The following REEP3 variants were observed in gnomAD, a reference collection of about 807,000 sequenced individuals.
REEP3 encodes the protein receptor accessory protein 3.
In REEP3, 20 loss-of-function variants were observed where a neutral mutation model predicts 41.3. The observed-to-expected ratio is 0.48, with a 90% CI of 0.34 to 0.70. The LOEUF (loss-of-function observed/expected upper bound fraction) is 0.70. Among genes scored for constraint, REEP3 ranks in the 30% least tolerant of loss-of-function variants. REEP3 has a pLI of 0.01. For synonymous variants in REEP3, 104 were observed against 101.8 expected, an observed-to-expected ratio of 1.02 and a Z score of -0.13; for missense variants, 271 against 308.8, an observed-to-expected ratio of 0.88 and a Z score of 0.92.
chr10:63,535,118 C>A (rs1955462270), intron 1 of REEP3, among the ~76,000 whole-genome samples: 1 of 151,868 alleles, frequency 6.6e-6, no homozygotes, highest in Non-Finnish European at 1.5e-5. Flanking sequence ...GAAATATAAT[C>A]TATTGTTTCA....
rs1460203733 is a variant in REEP3, at chr10:63,624,170, TTTC to T, written c.*3307_*3309del. ...TATATTTAAAAGCAATTTTCTGTGTTTTCTTCTTTGTAAGTTGACTCATTTGTG... is the reference window on the plus strand; with the variant it reads ...TATATTTAAAAGCAATTTTCTGTGTTTTCTTTGTAAGTTGACTCATTTGTG... On this transcript the variant is annotated 3_prime_UTR_variant, in exon 8 of 8. Transcript: ENST00000373758. 2.0e-5 allele frequency: 3 copies of T among 152,150 alleles called. No individual in the cohort carries two copies. Among genetic ancestry groups the T allele is most frequent in the Admixed American group, 6.6e-5 (1 of 15,266 alleles). 9.4% of individuals were successfully genotyped at this position (152,150 alleles called of 1,614,324 possible). A position where few individuals can be genotyped will look rare whatever the true frequency, so the allele number is the denominator to read the frequency against.
chr10:63,551,382 G>A (rs538133895), intron 1 of REEP3, among the ~76,000 whole-genome samples: 4 of 152,046 alleles, frequency 2.6e-5, no homozygotes, highest in African/African-American at 9.7e-5. Flanking sequence ...AGGAGAATAG[G>A]TAAATCTCTC....
rs1163642273 is a variant in REEP3 at position 63,598,020 on chromosome 10, T to C, written c.183-4T>C. ...AGTTTATTTCCAAATGTTTTTCTTA[T>C]TAGGTTTCCCCTGTACTATGAGCTG... On this transcript the variant is annotated splice_polypyrimidine_tract_variant and splice_region_variant and intron_variant, in intron 3 of 7. Coordinates refer to ENST00000373758, the MANE Select transcript of REEP3 (RefSeq NM_001001330.3). 2.5e-6 allele frequency: 4 copies of C among 1,597,276 alleles called. No individual in the cohort carries two copies. Among genetic ancestry groups the C allele is most frequent in the East Asian group, 2.2e-5 (1 of 44,754 alleles).
intron 1 of REEP3, among the ~76,000 whole-genome samples, chr10:63,549,549 G>A (rs1048171740): frequency 7.9e-5 from 12 of 152,182 alleles, no homozygotes; most frequent in Admixed American, 2.0e-4. Context: ...TTTGGGTGAC[G>A]TTGTCGAAGG....
intron 2 of REEP3, among the ~76,000 whole-genome samples, chr10:63,584,352 G>A (rs531319154): frequency 6.7e-6 from 1 of 149,278 alleles, no homozygotes. Context: ...GGCATGGGGG[G>A]AGAAGTACCC....
intron 5 of REEP3, among the ~76,000 whole-genome samples, chr10:63,601,283 A>G (rs1403686732): frequency 6.6e-6 from 1 of 152,184 alleles, no homozygotes; most frequent in Non-Finnish European, 1.5e-5. Context: ...CTCAAGAACT[A>G]TTAACAGTCA....
chr10:63,521,764 C>A, intron 1 of REEP3, 187 bp downstream of exon 1: 1 of 356,054 alleles, frequency 2.8e-6, no homozygotes, highest in South Asian at 1.3e-4. Flanking sequence ...GCGGAGCTCC[C>A]TGCGACGGCC....
At chr10:63,606,874 C>G (rs1956233451) in intron 5 of REEP3, among the ~76,000 whole-genome samples, 1 of 152,076 alleles carries the variant, frequency 6.6e-6, no homozygotes, top group Non-Finnish European at 1.5e-5. Context: ...AAACATTGTA[C>G]TGTTGTTAGT....
At chr10:63,619,587 T>G in intron 6 of REEP3, 68 bp from the exon 7 acceptor site, 2 of 1,403,054 alleles carry the variant, frequency 1.4e-6, no homozygotes, top group Non-Finnish European at 2.0e-6. Flanking sequence ...TGTACACAGA[T>G]GGGTCAAAGA....
chr10:63,529,892 C>T (rs1415778262), intron 1 of REEP3, among the ~76,000 whole-genome samples: 1 of 151,956 alleles, frequency 6.6e-6, no homozygotes, highest in Non-Finnish European at 1.5e-5. Flanking sequence ...AATTCTCCTA[C>T]CTCAGCCTCC....
At chr10:63,610,378 A>T in intron 6 of REEP3, 44 bp downstream of exon 6, 1 of 1,527,182 alleles carries the variant, frequency 6.5e-7, no homozygotes, top group Non-Finnish European at 8.9e-7. Context: ...ACATGGAAAC[A>T]GGGAGGGGAA....
At chr10:63,565,978 G>A (rs1222476384) in intron 1 of REEP3, among the ~76,000 whole-genome samples, 1 of 148,760 alleles carries the variant, frequency 6.7e-6, no homozygotes, top group African/African-American at 2.5e-5. Context: ...TCCGTCCCCT[G>A]GGTTCACGCC....
chr10:63,586,106 G>A (rs1956004369), intron 2 of REEP3, among the ~76,000 whole-genome samples: 1 of 152,136 alleles, frequency 6.6e-6, no homozygotes, highest in Non-Finnish European at 1.5e-5. Flanking sequence ...ATGAAGCATG[G>A]TTTTCTTGAT....
chr10:63,533,725 T>TTTTTTTTTTTTTTTTTTTTTTTTTTAA (rs1589857082), intron 1 of REEP3, among the ~76,000 whole-genome samples: 3 of 143,796 alleles, frequency 2.1e-5, no homozygotes, highest in South Asian at 2.4e-4. Flanking sequence ...TTTTTTTTTT[T>TTTTTTTTTTTTTTTTTTTTTTTTTTAA]GAGACGGAGT....
At chr10:63,541,263 G>A (rs1054067950) in intron 1 of REEP3, among the ~76,000 whole-genome samples, 49 of 152,070 alleles carry the variant, frequency 3.2e-4, no homozygotes, top group African/African-American at 9.7e-4. Flanking sequence ...GTAGAATGGC[G>A]TATGTCTACA....
chr10:63,560,530 T>C (rs570361634), intron 1 of REEP3, among the ~76,000 whole-genome samples: 1 of 152,318 alleles, frequency 6.6e-6, no homozygotes, highest in South Asian at 2.1e-4. Context: ...TTTAAAATGG[T>C]GCAGATTTTT....
At chr10:63,521,598 C>A in intron 1 of REEP3, 21 bp downstream of exon 1, 1 of 1,402,564 alleles carries the variant, frequency 7.1e-7, no homozygotes, top group Middle Eastern at 2.0e-4. Flanking sequence ...CTCACTGCGC[C>A]CTGCAGCCGG....
intron 6 of REEP3, among the ~76,000 whole-genome samples, chr10:63,613,123 T>G (rs1183372908): frequency 6.6e-6 from 1 of 152,126 alleles, no homozygotes; most frequent in Non-Finnish European, 1.5e-5. Context: ...GCAGTTCTCC[T>G]GCCTTAGCCT....
At chr10:63,583,297 G>GT (rs913031851) in intron 2 of REEP3, among the ~76,000 whole-genome samples, 1 of 151,956 alleles carries the variant, frequency 6.6e-6, no homozygotes, top group Non-Finnish European at 1.5e-5. Flanking sequence ...GGCCCCCGGA[G>GT]TTTTTTTTCT....
Sources: gnomAD v4.1 joint callset for allele counts (sites outside exome capture counted in the v4.1 genomes callset) on GRCh38, gnomAD v4.1.1 for gene constraint, MANE v1.5 for transcripts, NCBI Gene and HGNC (gene_info 2026-07-23, HGNC 2026-07-21) for gene names.